The following DKK2 variants were observed in gnomAD, a reference collection of about 807,000 sequenced individuals.
DKK2 encodes the protein dickkopf Wnt signaling pathway inhibitor 2, also known as dickkopf-related protein 2.
A neutral mutation model predicts 28.1 loss-of-function variants in DKK2; 11 were observed. That is an observed-to-expected ratio of 0.39 (90% CI 0.25 to 0.65). DKK2 has a LOEUF of 0.65. DKK2 is among the 30% of genes least tolerant of loss of function. The pLI, the probability that DKK2 is intolerant of heterozygous loss-of-function variation, is 0.47. For missense variants in DKK2, 326 were observed against 335.5 expected (o/e 0.97, Z 0.22); for synonymous variants, 135 against 126.5 (o/e 1.07, Z -0.45).
At chr4:106,947,832 G>A (rs1724800867) in intron 1 of DKK2, among the ~76,000 whole-genome samples, 1 of 151,952 alleles carries the variant, frequency 6.6e-6, no homozygotes, top group Non-Finnish European at 1.5e-5. Flanking sequence ...ATACCACCAT[G>A]CCTATCTGTG....
In DKK2 at chr4:106,922,446, C is replaced by T. The variant is rs1052046338; in HGVS notation, c.*1508G>A. On this transcript the variant is annotated 3_prime_UTR_variant, in exon 4 of 4. Transcript: ENST00000285311. ...TCAAAGAATTTAGAAACTGTGGTGT[C>T]TATAGATTAGCAATATGCAGGTTTT... 6.6e-6 allele frequency: 1 copy of T among 152,148 alleles called. No individual in the cohort carries two copies. The highest frequency in any genetic ancestry group is 2.4e-5 in the African/African-American group (1 of 41,442). 9.4% of individuals were successfully genotyped at this position (152,148 alleles called of 1,614,324 possible). A position where few individuals can be genotyped will look rare whatever the true frequency, so the allele number is the denominator to read the frequency against.
intron 1 of DKK2, among the ~76,000 whole-genome samples, chr4:107,033,144 C>A (rs1723902217): frequency 6.6e-6 from 1 of 152,206 alleles, no homozygotes; most frequent in South Asian, 2.1e-4. Context: ...TAGCCTCCTG[C>A]TATTCAACCC....
Position 106,923,911 on chromosome 4 carries a change from C to T in DKK2, c.*43G>A. On this transcript the variant is annotated 3_prime_UTR_variant, in exon 4 of 4. Transcript: ENST00000285311. ...CCACCATGCTATAATGCATTAAATACACAACTTCACAGTCTGCAATTGATG... is the reference window on the plus strand; with the variant it reads ...CCACCATGCTATAATGCATTAAATATACAACTTCACAGTCTGCAATTGATG... 2 of 1,603,420 alleles carry T rather than the reference C, an allele frequency of 1.2e-6. No individual in the cohort carries two copies. The highest frequency in any genetic ancestry group is 1.1e-5 in the South Asian group (1 of 90,602).
Position 107,035,398 on chromosome 4 carries a change from C to A in DKK2, c.194G>T (p.Gly65Val), listed in dbSNP as rs1477580478. ...CCCCAGGTTTTTGCCCTTCTTACTG[C>A]CGCCGAATGCCAGTCCTTGGTACAT... The part of the protein sequence containing the change: ...AGMYQGLAFG[G>V]SKKGKNLGQA... Residue 65 changes from glycine to valine, a missense_variant, in exon 1 of 4, where the codon GGC (glycine) becomes GTC (valine). Gly to Val is a moderately radical substitution (Grantham distance 109). Transcript: ENST00000285311. The A allele has an allele frequency of 6.2e-7, 1 of 1,614,212 alleles. No individual in the cohort carries two copies. The highest frequency in any genetic ancestry group is 8.5e-7 in the Non-Finnish European group (1 of 1,180,030).
chr4:106,929,291 A>C (rs1404669665), intron 1 of DKK2, among the ~76,000 whole-genome samples: 1 of 152,198 alleles, frequency 6.6e-6, no homozygotes, highest in Non-Finnish European at 1.5e-5. Flanking sequence ...TACCTGGAAC[A>C]GACTAGATAA....
In DKK2 at chr4:107,035,470, G is replaced by A; in HGVS notation, c.122C>T (p.Ser41Phe). 6.2e-7 allele frequency: 1 copy of A among 1,614,224 alleles called. No individual in the cohort carries two copies. The highest frequency in any genetic ancestry group is 8.5e-7 in the Non-Finnish European group (1 of 1,180,056). The change falls in exon 1 of 4, where the codon TCT becomes TTT. Residue 41 changes from serine (S) to phenylalanine (F), a missense_variant. Physicochemically the swap from Ser to Phe is radical, Grantham distance 155 (BLOSUM62 -2). Coordinates refer to ENST00000285311, the MANE Select transcript of DKK2 (RefSeq NM_014421.3). ...SRAKLNSIKSSLGGETPGQAA... is the reference protein window; with the variant it reads ...SRAKLNSIKSFLGGETPGQAA... The stretch of plus-strand genomic sequence containing the variant: ...CTGACCAGGCGTCTCCCCGCCCAGA[G>A]AGGACTTGATGGAGTTGAGTTTGGC...
chr4:106,970,693 G>A (rs1021058479), intron 1 of DKK2, among the ~76,000 whole-genome samples: 1 of 151,942 alleles, frequency 6.6e-6, no homozygotes, highest in African/African-American at 2.4e-5. Flanking sequence ...AAGGCCTACT[G>A]AGCCCACAGA....
intron 1 of DKK2, among the ~76,000 whole-genome samples, chr4:106,988,973 AGCTAG>A (rs1265333887): frequency 2.0e-5 from 3 of 152,212 alleles, no homozygotes; most frequent in Admixed American, 2.0e-4. Flanking sequence ...TTGGGGTTGA[AGCTAG>A]GCTCACCTGA....
chr4:107,007,267 T>C (rs566102812), intron 1 of DKK2, among the ~76,000 whole-genome samples: 275 of 152,240 alleles, frequency 1.8e-3, no homozygotes, highest in Admixed American at 4.5e-3. Flanking sequence ...GACCCAGGAA[T>C]AATGAAGGCT....
At chr4:106,998,028 T>G (rs899003095) in intron 1 of DKK2, among the ~76,000 whole-genome samples, 8 of 152,186 alleles carry the variant, frequency 5.3e-5, no homozygotes, top group Admixed American at 5.2e-4. Context: ...CTGTCAGAAC[T>G]GTTGAAGAAC....
At chr4:106,948,262 A>C (rs1318934027) in intron 1 of DKK2, among the ~76,000 whole-genome samples, 3 of 152,176 alleles carry the variant, frequency 2.0e-5, no homozygotes, top group African/African-American at 4.8e-5. Context: ...GCATGTTAAA[A>C]CACAGGTTGC....
chr4:106,980,236 G>A (rs1421600643), intron 1 of DKK2, among the ~76,000 whole-genome samples: 1 of 151,460 alleles, frequency 6.6e-6, no homozygotes, highest in Admixed American at 6.6e-5. Flanking sequence ...TAGACTATAT[G>A]GTTATATATC....
At chr4:106,996,543 A>G (rs1723274843) in intron 1 of DKK2, among the ~76,000 whole-genome samples, 1 of 152,218 alleles carries the variant, frequency 6.6e-6, no homozygotes, top group Admixed American at 6.5e-5. Flanking sequence ...TCCCCAAGAC[A>G]TCAAAGAAAG....
chr4:106,975,009 T>C (rs1287768630), intron 1 of DKK2, among the ~76,000 whole-genome samples: 1 of 152,204 alleles, frequency 6.6e-6, no homozygotes, highest in Non-Finnish European at 1.5e-5. Context: ...TCATGTTGTT[T>C]TTGTCATTGG....
intron 1 of DKK2, among the ~76,000 whole-genome samples, chr4:106,946,870 T>C (rs1322377022): frequency 6.6e-6 from 1 of 151,996 alleles, no homozygotes; most frequent in African/African-American, 2.4e-5. Flanking sequence ...CTCAAATCCC[T>C]AGAGCACAGA....
At chr4:107,023,625 A>G (rs2110374559) in intron 1 of DKK2, among the ~76,000 whole-genome samples, 1 of 152,216 alleles carries the variant, frequency 6.6e-6, no homozygotes, top group East Asian at 1.9e-4. Context: ...GCCCTTGTGT[A>G]TGGGTTTTAT....
chr4:107,028,362 G>C (rs536099006), intron 1 of DKK2, among the ~76,000 whole-genome samples: 1 of 152,158 alleles, frequency 6.6e-6, no homozygotes, highest in Admixed American at 6.5e-5. Flanking sequence ...CTTATTTGGT[G>C]CATGAGCATT....
intron 1 of DKK2, among the ~76,000 whole-genome samples, chr4:106,958,205 T>C (rs2110349290): frequency 6.6e-6 from 1 of 151,470 alleles, no homozygotes; most frequent in South Asian, 2.1e-4. Flanking sequence ...GTTGGGAGCA[T>C]TATTAATAAT....
chr4:106,992,067 G>A (rs1578370731), intron 1 of DKK2, among the ~76,000 whole-genome samples: 1 of 152,258 alleles, frequency 6.6e-6, no homozygotes, highest in Admixed American at 6.5e-5. Context: ...TCTGAGATAA[G>A]CAGTAGGCTA....
Sources: allele counts gnomAD v4.1 joint callset (sites outside exome capture counted in the v4.1 genomes callset), GRCh38; gene constraint gnomAD v4.1.1; transcripts MANE v1.5; gene names NCBI Gene and HGNC (gene_info 2026-07-23, HGNC 2026-07-21).